The following CSMD1 variants were observed in gnomAD, a reference collection of about 807,000 sequenced individuals.
CSMD1 encodes CUB and sushi domain-containing protein 1.
CSMD1 carries 213 observed loss-of-function variants against 417.5 expected under a neutral mutation model. That is an observed-to-expected ratio of 0.51 (90% CI 0.46 to 0.57). The LOEUF is 0.57. CSMD1 is among the 20% of genes least tolerant of loss of function. The probability of loss-of-function intolerance (pLI) is 0.00; values close to 1 mark genes in which losing one functional copy is unlikely to be tolerated. For missense variants in CSMD1, 6,923 were observed against 4,529.7 expected (o/e 1.53, Z -15.17); for synonymous variants, 2,862 against 1,736.8 (o/e 1.65, Z -16.11).
rs562925148 is a variant in CSMD1 at position 3,529,146 on chromosome 8, G to A, written c.1345-35420C>T. ...TTTCATTAAAATATCCAATTGTGTA[G>A]TAAAGACAATACATACGCTACTGAT... On this transcript the variant is annotated intron_variant, in intron 10 of 69. Coordinates refer to ENST00000635120, the MANE Select transcript of CSMD1 (RefSeq NM_033225.6). Among the ~76,000 whole-genome samples, 31 of 152,300 alleles carry A rather than the reference G, an allele frequency of 2.0e-4. No homozygotes were observed. The South Asian group carries it at 6.4e-3, about 32-fold the overall frequency.
At chr8:3,853,745 G>C (rs932471625) in intron 5 of CSMD1, among the ~76,000 whole-genome samples, 4 of 151,774 alleles carry the variant, frequency 2.6e-5, no homozygotes, top group African/African-American at 9.7e-5. Context: ...GGGAAGGACA[G>C]CATTAGGAGA....
intron 2 of CSMD1, among the ~76,000 whole-genome samples, chr8:4,584,126 C>T (rs1266949960): frequency 1.3e-5 from 2 of 152,020 alleles, no homozygotes; most frequent in African/African-American, 2.4e-5. Flanking sequence ...CACATCCGAA[C>T]GTCAGAAGGA....
chr8:3,638,922 T>C (rs929533620), intron 7 of CSMD1, among the ~76,000 whole-genome samples: 7 of 152,180 alleles, frequency 4.6e-5, no homozygotes, highest in East Asian at 1.9e-4. Flanking sequence ...TAGCCTGATA[T>C]TTATTTTCTG....
chr8:4,215,125 G>A (rs899780015), intron 3 of CSMD1, among the ~76,000 whole-genome samples: 1 of 152,278 alleles, frequency 6.6e-6, no homozygotes, highest in Admixed American at 6.5e-5. Flanking sequence ...TCAGTTCTCA[G>A]GGTGCCAACC....
At chr8:4,522,947 A>G (rs1017719532) in intron 2 of CSMD1, among the ~76,000 whole-genome samples, 1 of 152,158 alleles carries the variant, frequency 6.6e-6, no homozygotes, top group Non-Finnish European at 1.5e-5. Context: ...TCTACTAGGG[A>G]AGAACCTGGA....
chr8:3,205,840 T>C (rs1797222146), intron 30 of CSMD1, among the ~76,000 whole-genome samples: 1 of 152,138 alleles, frequency 6.6e-6, no homozygotes, highest in Non-Finnish European at 1.5e-5. Flanking sequence ...AATATTATTT[T>C]CAAGACATTT....
At position 3,940,507 on chromosome 8, in the gene CSMD1, G is replaced by C. The variant is rs771335820; in HGVS notation, c.818+57396C>G. Among the ~76,000 whole-genome samples the C allele has an allele frequency of 6.6e-3, 838 of 127,528 alleles. 4 individuals are homozygous for C. Among genetic ancestry groups the C allele is most frequent in the Middle Eastern group, 0.013 (3 of 228 alleles). The allele number at this position is 127,528 out of a possible 152,430, so 83.7% of individuals were successfully genotyped here. On this transcript the variant is annotated intron_variant, in intron 5 of 69. Transcript: ENST00000635120. ...TTTAAATTATTTCCTCTGTGTGTGT[G>C]TGTGTGTGTGTGTGTGTGTGTGTGT...
chr8:4,284,831 A>C (rs1796974282), intron 3 of CSMD1, among the ~76,000 whole-genome samples: 1 of 152,162 alleles, frequency 6.6e-6, no homozygotes, highest in Non-Finnish European at 1.5e-5. Context: ...CGTGTTCAAA[A>C]ACAAAACAAA....
chr8:4,213,114 G>A (rs1024955139), intron 3 of CSMD1, among the ~76,000 whole-genome samples: 1 of 152,096 alleles, frequency 6.6e-6, no homozygotes, highest in African/African-American at 2.4e-5. Flanking sequence ...AGTGGAGCAT[G>A]CTTAGACTCA....
Position 3,757,323 on chromosome 8 carries a change from A to G in CSMD1, c.819-3281T>C, listed in dbSNP as rs566318575. Among the ~76,000 whole-genome samples the G allele has an allele frequency of 2.6e-5, 4 of 152,306 alleles. No individual in the cohort carries two copies. The East Asian group carries it at 7.7e-4, about 29-fold the overall frequency. ...ATGGGTCACATGGTCTTTGTTGGAA[A>G]TTGTTCAACTTTGCAGGTGTAGTTG... On this transcript the variant is annotated intron_variant, in intron 5 of 69. Coordinates refer to ENST00000635120, the MANE Select transcript of CSMD1 (RefSeq NM_033225.6).
chr8:4,301,747 C>T (rs1276980460), intron 3 of CSMD1, among the ~76,000 whole-genome samples: 1 of 152,164 alleles, frequency 6.6e-6, no homozygotes, highest in Admixed American at 6.5e-5. Context: ...TCTTCACTAT[C>T]ATGTCCTGCC....
intron 3 of CSMD1, among the ~76,000 whole-genome samples, chr8:4,171,149 T>C (rs917570713): frequency 3.3e-5 from 5 of 151,900 alleles, no homozygotes; most frequent in Admixed American, 2.0e-4. Flanking sequence ...TCCTGCTTAG[T>C]GCCCATGCTG....
At chr8:4,418,932 A>G (rs1386363220) in intron 3 of CSMD1, among the ~76,000 whole-genome samples, 1 of 152,186 alleles carries the variant, frequency 6.6e-6, no homozygotes, top group African/African-American at 2.4e-5. Flanking sequence ...CTTTAAGCAA[A>G]AGGATAAGTC....
At chr8:3,532,153 G>C (rs985103896) in intron 10 of CSMD1, among the ~76,000 whole-genome samples, 1 of 152,070 alleles carries the variant, frequency 6.6e-6, no homozygotes, top group Non-Finnish European at 1.5e-5. Flanking sequence ...AAAGGTGTTC[G>C]CTTTGTTTCT....
intron 2 of CSMD1, among the ~76,000 whole-genome samples, chr8:4,493,812 T>G (rs756350328): frequency 1.3e-5 from 2 of 152,200 alleles, no homozygotes; most frequent in African/African-American, 2.4e-5. Flanking sequence ...GAGGAGCCAC[T>G]AGAGGACATC....
intron 10 of CSMD1, among the ~76,000 whole-genome samples, chr8:3,544,454 C>G (rs1049930514): frequency 6.6e-6 from 1 of 152,062 alleles, no homozygotes; most frequent in Non-Finnish European, 1.5e-5. Context: ...CTCGGGAACG[C>G]CTTACTCTGT....
intron 3 of CSMD1, among the ~76,000 whole-genome samples, chr8:4,194,040 T>C (rs1799191967): frequency 6.6e-6 from 1 of 152,156 alleles, no homozygotes. Context: ...GATATTAAAA[T>C]TATAGTAACT....
intron 3 of CSMD1, among the ~76,000 whole-genome samples, chr8:4,113,220 G>T (rs1214612864): frequency 6.6e-6 from 1 of 151,922 alleles, no homozygotes; most frequent in African/African-American, 2.4e-5. Context: ...AAATCCTACA[G>T]TGGCTCCTAT....
chr8:4,316,940 C>T (rs774102723), intron 3 of CSMD1, among the ~76,000 whole-genome samples: 17 of 152,068 alleles, frequency 1.1e-4, no homozygotes, highest in African/African-American at 3.9e-4. Context: ...TGAAAATATG[C>T]CACATGTCAG....
Sources: gnomAD v4.1 joint callset for allele counts (sites outside exome capture counted in the v4.1 genomes callset) on GRCh38, gnomAD v4.1.1 for gene constraint, MANE v1.5 for transcripts, NCBI Gene and HGNC (gene_info 2026-07-23, HGNC 2026-07-21) for gene names.